The following PDZRN4 variants were observed in gnomAD, a reference collection of about 807,000 sequenced individuals.
PDZRN4 encodes the protein PDZ domain containing ring finger 4.
PDZRN4 carries 70 observed loss-of-function variants against 99.0 expected under a neutral mutation model. That is an observed-to-expected ratio of 0.71 (90% CI 0.58 to 0.86). The LOEUF (loss-of-function observed/expected upper bound fraction) is 0.86, where lower values mean the gene tolerates loss of function less well. PDZRN4 is among the 40% of genes least tolerant of loss of function. PDZRN4 has a pLI of 0.00. For missense variants in PDZRN4, 1,474 were observed against 1,331.2 expected (o/e 1.11, Z -1.67); for synonymous variants, 551 against 501.6 (o/e 1.10, Z -1.32).
intron 3 of PDZRN4, among the ~76,000 whole-genome samples, chr12:41,417,553 G>A (rs1009106210): frequency 2.6e-5 from 4 of 152,180 alleles, no homozygotes; most frequent in Non-Finnish European, 5.9e-5. Flanking sequence ...ACACAAAGAT[G>A]ATGCTTGTAC....
At chr12:41,409,636 A>G (rs533248077) in intron 3 of PDZRN4, 1 of 152,320 alleles carries the variant, frequency 6.6e-6, no homozygotes, top group South Asian at 2.1e-4. Context: ...AGATATTTAA[A>G]TATATATTTT....
At chr12:41,426,936 C>T (rs931604322) in intron 3 of PDZRN4, among the ~76,000 whole-genome samples, 2 of 152,176 alleles carry the variant, frequency 1.3e-5, no homozygotes, top group Admixed American at 6.5e-5. Context: ...AGGAATTGAG[C>T]TTGTGCACTT....
At position 41,349,578 on chromosome 12, in the gene PDZRN4, T is replaced by G. The variant is rs551143880; in HGVS notation, c.843+155390T>G. ...AAAAGACTCACTATTTATTTGCCCT[T>G]GCATTTCTACCTCTTCTAATAATCC... On this transcript the variant is annotated intron_variant, in intron 3 of 9. Coordinates refer to ENST00000402685, the MANE Select transcript of PDZRN4 (RefSeq NM_001164595.2). Among the ~76,000 whole-genome samples, 8 of 152,106 alleles carry G rather than the reference T, an allele frequency of 5.3e-5. 1 individual carries two copies. The South Asian group carries it at 1.7e-3, about 32-fold the overall frequency.
intron 7 of PDZRN4, 137 bp downstream of exon 7, chr12:41,555,897 AGTGCTGTC>A: frequency 1.5e-6 from 1 of 660,052 alleles, no homozygotes; most frequent in Non-Finnish European, 2.7e-6. Flanking sequence ...AAAAAAAAAA[AGTGCTGTC>A]ATTTAAAACT....
At chr12:41,488,722 T>A (rs998497948) in intron 3 of PDZRN4, among the ~76,000 whole-genome samples, 3 of 152,202 alleles carry the variant, frequency 2.0e-5, no homozygotes, top group Admixed American at 6.5e-5. Flanking sequence ...TTCCTTGCTA[T>A]TTTATTCAGA....
intron 6 of PDZRN4, among the ~76,000 whole-genome samples, chr12:41,554,635 A>G (rs117254007): frequency 0.035 from 5,383 of 152,296 alleles, 148 homozygotes; most frequent in Non-Finnish European, 0.05. Context: ...GAAATCTGAT[A>G]GATGAAATTA....
In PDZRN4 at chr12:41,289,232, C is replaced by G. The variant is rs561884475; in HGVS notation, c.843+95044C>G. 2.0e-5 allele frequency among the ~76,000 whole-genome samples: 3 copies of G among 152,238 alleles called. No homozygotes were observed. The East Asian group carries it at 5.8e-4, about 29-fold the overall frequency. On this transcript the variant is annotated intron_variant, in intron 3 of 9. Coordinates refer to ENST00000402685, the MANE Select transcript of PDZRN4 (RefSeq NM_001164595.2). ...GCTCATCCACGAACAGTTAAGAAAA[C>G]AGTGATTTGATGCATCCACACAGTA...
Position 41,189,047 on chromosome 12 carries a change from C to T in PDZRN4, c.592C>T (p.Gln198Ter). Residue 198 changes from glutamine to a stop codon, truncating the protein, a stop_gained, in exon 1 of 10, where the codon CAA (glutamine) becomes TAA (stop). Coordinates refer to ENST00000402685, the MANE Select transcript of PDZRN4 (RefSeq NM_001164595.2). LOFTEE classifies it high-confidence loss of function. The stretch of plus-strand genomic sequence containing the variant: ...GCGCAGGTACCAGGAGAAGTTCACC[C>T]AATACATGGCTCACGTCCGCAACTT... ...TARRYQEKFT[Q>*]YMAHVRNFVG... 6.3e-7 allele frequency: 1 copy of T among 1,576,646 alleles called. No individual in the cohort carries two copies. The highest frequency in any genetic ancestry group is 8.6e-7 in the Non-Finnish European group (1 of 1,169,582).
intron 9 of PDZRN4, among the ~76,000 whole-genome samples, chr12:41,571,853 A>G (rs1939487817): frequency 6.6e-6 from 1 of 152,144 alleles, no homozygotes; most frequent in Non-Finnish European, 1.5e-5. Context: ...TTAGTCCTAA[A>G]ACTCTGTGAT....
chr12:41,302,520 T>A (rs1277173516), intron 3 of PDZRN4, among the ~76,000 whole-genome samples: 1 of 152,292 alleles, frequency 6.6e-6, no homozygotes, highest in East Asian at 1.9e-4. Flanking sequence ...GTAAGGATAC[T>A]ATTGAGAACC....
chr12:41,371,430 C>T (rs894030782), intron 3 of PDZRN4, among the ~76,000 whole-genome samples: 3 of 151,838 alleles, frequency 2.0e-5, no homozygotes, highest in Non-Finnish European at 4.4e-5. Flanking sequence ...TGAATTTTTT[C>T]TGGTCTTTTT....
At chr12:41,223,288 G>A (rs970348441) in intron 3 of PDZRN4, among the ~76,000 whole-genome samples, 2 of 152,074 alleles carry the variant, frequency 1.3e-5, no homozygotes, top group Admixed American at 1.3e-4. Context: ...TGTGTATGTA[G>A]ACATTAAAGA....
At chr12:41,374,941 A>T (rs1050405028) in intron 3 of PDZRN4, among the ~76,000 whole-genome samples, 4 of 152,186 alleles carry the variant, frequency 2.6e-5, no homozygotes, top group African/African-American at 9.7e-5. Flanking sequence ...TTATAAAAAG[A>T]CATTTGTTTT....
chr12:41,411,959 C>G (rs926214645), intron 3 of PDZRN4: 4 of 152,164 alleles, frequency 2.6e-5, no homozygotes, highest in Admixed American at 2.6e-4. Context: ...CAAATCAGGT[C>G]TACTCCGGTG....
At chr12:41,279,683 T>C (rs923444457) in intron 3 of PDZRN4, among the ~76,000 whole-genome samples, 4 of 152,084 alleles carry the variant, frequency 2.6e-5, no homozygotes, top group African/African-American at 9.7e-5. Flanking sequence ...ATCAAACATA[T>C]TACTATTTCA....
intron 3 of PDZRN4, among the ~76,000 whole-genome samples, chr12:41,290,587 C>T (rs1367605): frequency 0.74 from 112,153 of 151,936 alleles, 41,677 homozygotes; most frequent in East Asian, 0.86. Flanking sequence ...ACAAACACTT[C>T]AACTTGGAAG....
At chr12:41,449,836 A>G (rs550860791) in intron 3 of PDZRN4, among the ~76,000 whole-genome samples, 72 of 152,278 alleles carry the variant, frequency 4.7e-4, no homozygotes, top group African/African-American at 1.7e-3. Flanking sequence ...AAATACTTTA[A>G]TATGTTTGTT....
intron 3 of PDZRN4, among the ~76,000 whole-genome samples, chr12:41,271,343 A>G (rs1247990238): frequency 6.6e-6 from 1 of 152,064 alleles, no homozygotes; most frequent in African/African-American, 2.4e-5. Context: ...GTCAAGTCCT[A>G]TTTTCATGGC....
chr12:41,406,610 C>G (rs527845575), intron 3 of PDZRN4, among the ~76,000 whole-genome samples: 1 of 151,968 alleles, frequency 6.6e-6, no homozygotes, highest in Non-Finnish European at 1.5e-5. Context: ...AAAGACAATT[C>G]AGGCCCGGCA....
Sources: allele counts gnomAD v4.1 joint callset (sites outside exome capture counted in the v4.1 genomes callset), GRCh38; gene constraint gnomAD v4.1.1; transcripts MANE v1.5; gene names NCBI Gene and HGNC (gene_info 2026-07-23, HGNC 2026-07-21).